The following XPNPEP1 variants were observed in gnomAD, a reference collection of about 807,000 sequenced individuals.
XPNPEP1 encodes xaa-Pro aminopeptidase 1.
A neutral mutation model predicts 92.4 loss-of-function variants in XPNPEP1; 39 were observed. The observed-to-expected ratio is 0.42, with a 90% CI of 0.33 to 0.55. XPNPEP1 has a LOEUF of 0.55. XPNPEP1 is among the 20% of genes least tolerant of loss of function. The pLI, the probability that XPNPEP1 is intolerant of heterozygous loss-of-function variation, is 0.08. For missense variants in XPNPEP1, 654 were observed against 856.1 expected (o/e 0.76, Z 2.95); for synonymous variants, 307 against 299.4 (o/e 1.03, Z -0.26).
At chr10:109,918,846 AGGAAGGAAGGAG>A (rs879864038) in intron 1 of XPNPEP1, among the ~76,000 whole-genome samples, 7,090 of 47,108 alleles carry the variant, frequency 0.15, 297 homozygotes, top group Non-Finnish European at 0.17. Flanking sequence ...GAAGGAAGGA[AGGAAGGAAGGAG>A]GGAAGGAAGG....
At chr10:109,923,245 C>G in intron 1 of XPNPEP1, 157 bp downstream of exon 1, 4 of 985,360 alleles carry the variant, frequency 4.1e-6, no homozygotes, top group Non-Finnish European at 4.8e-6. Flanking sequence ...CTTCCCCCGG[C>G]TCCTGTTCCG....
chr10:109,879,139 G>A (rs1847945978), intron 12 of XPNPEP1, among the ~76,000 whole-genome samples: 1 of 152,016 alleles, frequency 6.6e-6, no homozygotes, highest in African/African-American at 2.4e-5. Context: ...CTAGTCGGGA[G>A]GCTGAGGCAG....
chr10:109,917,730 A>G (rs1271405194), intron 1 of XPNPEP1, among the ~76,000 whole-genome samples: 3 of 152,214 alleles, frequency 2.0e-5, no homozygotes, highest in Admixed American at 6.5e-5. Flanking sequence ...TTCAAACCTA[A>G]ATACAAGACA....
chr10:109,890,655 G>A (rs944954830), intron 5 of XPNPEP1, among the ~76,000 whole-genome samples: 1 of 148,294 alleles, frequency 6.7e-6, no homozygotes, highest in African/African-American at 2.5e-5. Context: ...TGCAGCAACA[G>A]GCAACAATCT....
intron 20 of XPNPEP1, among the ~76,000 whole-genome samples, chr10:109,865,734 A>C (rs1221205042): frequency 6.6e-6 from 1 of 152,200 alleles, no homozygotes; most frequent in Non-Finnish European, 1.5e-5. Flanking sequence ...ATCCACTGAA[A>C]AAGCTGAATA....
intron 2 of XPNPEP1, among the ~76,000 whole-genome samples, chr10:109,913,636 G>A (rs1389892334): frequency 6.6e-6 from 1 of 152,184 alleles, no homozygotes; most frequent in African/African-American, 2.4e-5. Flanking sequence ...CCCAAAGTCA[G>A]CTGGTTCATC....
At chr10:109,870,654 T>TA (rs1232006781) in intron 18 of XPNPEP1, 77 bp downstream of exon 18, 24 of 1,504,926 alleles carry the variant, frequency 1.6e-5, no homozygotes, top group Non-Finnish European at 1.9e-5. Flanking sequence ...TTAAACTAAT[T>TA]AAAAAATACA....
intron 7 of XPNPEP1, among the ~76,000 whole-genome samples, chr10:109,887,684 A>G (rs1348642042): frequency 6.6e-6 from 1 of 152,194 alleles, no homozygotes; most frequent in Non-Finnish European, 1.5e-5. Flanking sequence ...TAAATCTACA[A>G]ATGCTGACAT....
chr10:109,893,850 T>C (rs1362551161), intron 3 of XPNPEP1, among the ~76,000 whole-genome samples: 1 of 152,198 alleles, frequency 6.6e-6, no homozygotes, highest in African/African-American at 2.4e-5. Context: ...GAGGCAGGAT[T>C]TGAACCTAAG....
chr10:109,892,571 T>C (rs1374088351), intron 4 of XPNPEP1: 1 of 169,326 alleles, frequency 5.9e-6, no homozygotes, highest in Non-Finnish European at 1.3e-5. Flanking sequence ...ACCTTTGTTA[T>C]TTAAGCCAAG....
At chr10:109,873,454 T>C in intron 15 of XPNPEP1, 27 bp from the exon 16 acceptor site, 7 of 1,614,078 alleles carry the variant, frequency 4.3e-6, no homozygotes, top group Non-Finnish European at 5.9e-6. Context: ...CAAATTGGTT[T>C]CCCGTCAAAA....
At chr10:109,888,764 G>A (rs1472466340) in intron 5 of XPNPEP1, among the ~76,000 whole-genome samples, 169 bp from the exon 6 acceptor site, 3 of 152,164 alleles carry the variant, frequency 2.0e-5, no homozygotes, top group African/African-American at 7.2e-5. Flanking sequence ...ATCCTGGAAG[G>A]CTACAGAGAG....
chr10:109,909,624 T>C (rs748530579), intron 2 of XPNPEP1, among the ~76,000 whole-genome samples: 2 of 152,204 alleles, frequency 1.3e-5, no homozygotes, highest in Non-Finnish European at 2.9e-5. Flanking sequence ...AATGTTCTGA[T>C]AAACATCATA....
chr10:109,907,730 C>T lies in XPNPEP1; in HGVS notation c.207G>A (p.Pro69=), dbSNP rs753390128. Residue 69 remains proline, a synonymous_variant, in exon 3 of 21, where the codon CCG becomes CCA. Coordinates refer to ENST00000502935, the MANE Select transcript of XPNPEP1 (RefSeq NM_020383.4). ...CCGATGGGATGATGTAGGCCTGGATCGGTTCGGTCACATACTCAGAGTTCC... is the reference window on the plus strand; with the variant it reads ...CCGATGGGATGATGTAGGCCTGGATTGGTTCGGTCACATACTCAGAGTTCC... The part of the protein sequence containing the change: ...AMRNSEYVTE[P]IQAYIIPSGD... 4.3e-6 allele frequency: 7 copies of T among 1,614,242 alleles called. No homozygotes were observed. The South Asian group carries it at 5.5e-5, about 13-fold the overall frequency.
Position 109,878,700 on chromosome 10 carries a change from C to G in XPNPEP1, c.1183-642G>C, listed in dbSNP as rs1847915102. Among the ~76,000 whole-genome samples the G allele has an allele frequency of 2.6e-5, 4 of 151,854 alleles. No homozygotes were observed. In the South Asian group the frequency reaches 6.3e-4, roughly 24 times the overall value. The stretch of plus-strand genomic sequence containing the variant: ...CCCAGGAGTTTCAGATCAGCCTGGG[C>G]AACATGGCAAAACCTTATCTCTACA... On this transcript the variant is annotated intron_variant, in intron 12 of 20. Coordinates refer to ENST00000502935, the MANE Select transcript of XPNPEP1 (RefSeq NM_020383.4).
chr10:109,870,461 A>C (rs1197395393), intron 18 of XPNPEP1, among the ~76,000 whole-genome samples: 1 of 152,204 alleles, frequency 6.6e-6, no homozygotes, highest in Non-Finnish European at 1.5e-5. Flanking sequence ...TGCTATCTAC[A>C]TACCTGAAAG....
chr10:109,914,961 T>G, intron 2 of XPNPEP1, 50 bp downstream of exon 2: 1 of 1,301,844 alleles, frequency 7.7e-7, no homozygotes, highest in East Asian at 2.6e-5. Context: ...GGGGTGGAGA[T>G]CTAAAATCCT....
chr10:109,880,720 C>T, intron 11 of XPNPEP1, 122 bp downstream of exon 11: 1 of 875,686 alleles, frequency 1.1e-6, no homozygotes, highest in South Asian at 1.8e-5. Flanking sequence ...CCTGGAAGGC[C>T]AGGAGGCTGA....
chr10:109,905,002 A>C (rs370308311), intron 3 of XPNPEP1, among the ~76,000 whole-genome samples: 12 of 152,218 alleles, frequency 7.9e-5, no homozygotes, highest in African/African-American at 2.9e-4. Context: ...AAGAGGTGGA[A>C]AAAACTGAAA....
Sources: gnomAD v4.1 joint callset for allele counts (sites outside exome capture counted in the v4.1 genomes callset) on GRCh38, gnomAD v4.1.1 for gene constraint, MANE v1.5 for transcripts, NCBI Gene and HGNC (gene_info 2026-07-23, HGNC 2026-07-21) for gene names.